FRMPD4: variants seen among roughly 807,000 people sequenced by gnomAD.
FRMPD4 encodes the protein FERM and PDZ domain-containing protein 4.
In FRMPD4, 22 loss-of-function variants were observed where a neutral mutation model predicts 94.1. The observed-to-expected ratio is 0.23, with a 90% confidence interval of 0.17 to 0.33. FRMPD4 has a LOEUF of 0.33. FRMPD4 is among the 10% of genes least tolerant of loss of function. FRMPD4 has a pLI of 1.00. For missense variants in FRMPD4, 1,111 were observed against 1,339.9 expected (o/e 0.83, Z 2.67); for synonymous variants, 631 against 548.6 (o/e 1.15, Z -2.10).
intron 2 of FRMPD4, among the ~76,000 whole-genome samples, chrX:12,499,354 A>G (rs921627276): frequency 4.5e-5 from 5 of 112,107 alleles, no homozygotes; most frequent in African/African-American, 1.3e-4. Context: ...GAGAGAGAGA[A>G]AAAGAGAGAA....
chrX:12,161,009 T>G (rs1430393680), intron 1 of FRMPD4, among the ~76,000 whole-genome samples: 1 of 111,544 alleles, frequency 9.0e-6, no homozygotes, highest in East Asian at 2.8e-4. Flanking sequence ...ATATTAGTTA[T>G]TACTTTGCTA....
In FRMPD4 at chrX:12,138,951, CG is replaced by C. The variant is rs2055646191; in HGVS notation, c.-16del. The C allele has an allele frequency of 1.7e-6, 2 of 1,146,317 alleles. No homozygotes were observed. The highest frequency in any genetic ancestry group is 2.5e-5 in the Admixed American group (1 of 39,692). 94.5% of individuals were successfully genotyped at this position (1,146,317 alleles called of 1,213,427 possible). On this transcript the variant is annotated 5_prime_UTR_variant, in exon 1 of 17. Coordinates refer to ENST00000675598, the MANE Select transcript of FRMPD4 (RefSeq NM_001368397.1). ...GAAGGGGCGACGGAGTTGTCGCGCT[CG>C]GGGGTCCCCAGCTGCCTGCATGGAT...
intron 4 of FRMPD4, among the ~76,000 whole-genome samples, chrX:12,647,542 G>A (rs930457230): frequency 1.8e-5 from 2 of 111,846 alleles, no homozygotes; most frequent in Admixed American, 9.5e-5. Context: ...CAGCCAGAGA[G>A]AGCCCCCAGG....
At chrX:12,542,487 G>C (rs762297746) in intron 2 of FRMPD4, among the ~76,000 whole-genome samples, 4 of 111,957 alleles carry the variant, frequency 3.6e-5, no homozygotes, top group Non-Finnish European at 7.5e-5. Flanking sequence ...ATTCACAATT[G>C]CTTCAAAGAG....
intron 1 of FRMPD4, among the ~76,000 whole-genome samples, chrX:12,248,740 A>G (rs754238919): frequency 7.1e-5 from 8 of 112,394 alleles, no homozygotes; most frequent in Non-Finnish European, 1.5e-4. Context: ...AGTCATATAC[A>G]TATATTAAGA....
intron 2 of FRMPD4, among the ~76,000 whole-genome samples, chrX:12,588,730 G>A (rs1392138028): frequency 9.0e-6 from 1 of 111,622 alleles, no homozygotes; most frequent in African/African-American, 3.3e-5. Context: ...AATCTCCCAC[G>A]CCACAAGGAA....
At chrX:12,437,068 A>AT (rs1416774190) in intron 1 of FRMPD4, among the ~76,000 whole-genome samples, 3 of 111,244 alleles carry the variant, frequency 2.7e-5, no homozygotes, top group Non-Finnish European at 5.7e-5. Context: ...TAGGTTTTTT[A>AT]TTTTCTAATT....
chrX:12,402,846 C>G (rs908307239), intron 1 of FRMPD4, among the ~76,000 whole-genome samples: 2 of 112,071 alleles, frequency 1.8e-5, no homozygotes, highest in Non-Finnish European at 3.8e-5. Context: ...TAACAAGGCA[C>G]CATCTTGGAA....
At position 12,420,273 on chromosome X, in the gene FRMPD4, C is replaced by T. The variant is rs181682874; in HGVS notation, c.42-78407C>T. Among the ~76,000 whole-genome samples the T allele has an allele frequency of 5.4e-5, 6 of 111,814 alleles. No individual in the cohort carries two copies. The Admixed American group carries it at 5.7e-4, about 11-fold the overall frequency. ...GCTCTGTGTCATCAGTGTCCTGAATCCTCAAAACAATCTGCTGTTCTCTAA... is the reference window on the plus strand; with the variant it reads ...GCTCTGTGTCATCAGTGTCCTGAATTCTCAAAACAATCTGCTGTTCTCTAA... On this transcript the variant is annotated intron_variant, in intron 1 of 16. Transcript: ENST00000675598.
chrX:12,395,483 T>A (rs1478396942), intron 1 of FRMPD4, among the ~76,000 whole-genome samples: 1 of 112,212 alleles, frequency 8.9e-6, no homozygotes, highest in Non-Finnish European at 1.9e-5. Context: ...TTTTACATTA[T>A]ATGGATGTTA....
At chrX:11,860,335 A>AT (rs1418812986) in intron 1 of FRMPD4, among the ~76,000 whole-genome samples, 1 of 111,838 alleles carries the variant, frequency 8.9e-6, no homozygotes, top group East Asian at 2.8e-4. Flanking sequence ...AGGATCATCT[A>AT]TGGGATCTTG....
intron 4 of FRMPD4, among the ~76,000 whole-genome samples, chrX:12,639,994 A>G (rs1011076387): frequency 5.4e-5 from 6 of 111,636 alleles, no homozygotes; most frequent in Non-Finnish European, 9.4e-5. Context: ...TACACTTTTC[A>G]TTTGTTTAAA....
rs776089908 is a variant in FRMPD4 at position 11,978,834 on chromosome X, T to TATAG, written c.95+100818_95+100821dup. Among the ~76,000 whole-genome samples, 214 of 111,829 alleles carry TATAG rather than the reference T, an allele frequency of 1.9e-3. 2 individuals are homozygous for TATAG. Among genetic ancestry groups the TATAG allele is most frequent in the African/African-American group, 6.8e-3 (208 of 30,799 alleles). Reference sequence around the variant, plus strand: ...TCAGCGTTTTCAGAAATTCGGTGTGTATAGAACTGGAATGCTCCCTGTCTT... The same window carrying TATAG: ...TCAGCGTTTTCAGAAATTCGGTGTGTATAGATAGAACTGGAATGCTCCCTGTCTT... On this transcript the variant is annotated intron_variant, in intron 3 of 18. Coordinates refer to the FRMPD4 transcript ENST00000640291.
chrX:11,850,095 C>T (rs1692031950), intron 1 of FRMPD4, among the ~76,000 whole-genome samples: 1 of 111,587 alleles, frequency 9.0e-6, no homozygotes, highest in East Asian at 2.8e-4. Flanking sequence ...AACCAAATAA[C>T]CTGACTAAAA....
At chrX:12,285,223 G>T (rs144730657) in intron 1 of FRMPD4, among the ~76,000 whole-genome samples, 16 of 111,669 alleles carry the variant, frequency 1.4e-4, no homozygotes, top group South Asian at 3.8e-4. Context: ...ACTTTTTTGT[G>T]CAAGGCCATT....
At chrX:12,685,250 G>A (rs1248596830) in intron 6 of FRMPD4, among the ~76,000 whole-genome samples, 2 of 111,766 alleles carry the variant, frequency 1.8e-5, no homozygotes, top group Non-Finnish European at 3.8e-5. Context: ...GTGCACTCAT[G>A]ACTGCTGAGT....
intron 2 of FRMPD4, among the ~76,000 whole-genome samples, chrX:12,546,113 T>C (rs755963645): frequency 1.8e-5 from 2 of 111,972 alleles, no homozygotes; most frequent in Non-Finnish European, 3.8e-5. Context: ...TTTAGTTTTA[T>C]GAGATAGCCA....
chrX:12,285,745 C>T (rs1253737053), intron 1 of FRMPD4, among the ~76,000 whole-genome samples: 1 of 112,050 alleles, frequency 8.9e-6, no homozygotes, highest in African/African-American at 3.2e-5. Context: ...TTTTCTGAAG[C>T]ATTTTCCTCT....
intron 1 of FRMPD4, among the ~76,000 whole-genome samples, chrX:12,194,168 G>A (rs2056539671): frequency 9.0e-6 from 1 of 110,594 alleles, no homozygotes; most frequent in Admixed American, 9.6e-5. Context: ...AGTTCAGGAG[G>A]GCCTGTGTAG....
Sources: gnomAD v4.1 joint callset for allele counts (sites outside exome capture counted in the v4.1 genomes callset) on GRCh38, gnomAD v4.1.1 for gene constraint, MANE v1.5 for transcripts, NCBI Gene and HGNC (gene_info 2026-07-23, HGNC 2026-07-21) for gene names.